R3HDML: variants seen among roughly 807,000 people sequenced by gnomAD.
R3HDML encodes peptidase inhibitor R3HDML.
R3HDML carries 21 observed loss-of-function variants against 24.2 expected under a neutral mutation model. The ratio of observed to expected loss-of-function variants is 0.87; its 90% confidence interval spans 0.62 to 1.25. The LOEUF (loss-of-function observed/expected upper bound fraction) is 1.25. R3HDML is among the 50% of genes most tolerant of loss of function. R3HDML has a pLI of 0.00. For missense variants in R3HDML, 301 were observed against 340.3 expected (o/e 0.88, Z 0.91); for synonymous variants, 133 against 131.5 (o/e 1.01, Z -0.08).
chr20:44,340,443 T>C (rs904542602), intron 1 of R3HDML, among the ~76,000 whole-genome samples: 4 of 152,220 alleles, frequency 2.6e-5, no homozygotes, highest in African/African-American at 9.6e-5. Flanking sequence ...AAAAAAGCTT[T>C]TGACTTAACC....
intron 1 of R3HDML, among the ~76,000 whole-genome samples, chr20:44,340,075 C>T (rs1000672316): frequency 6.6e-6 from 1 of 152,152 alleles, no homozygotes. Context: ...CTGCCTCAGC[C>T]TCCCGAATAG....
In R3HDML at chr20:44,337,935, C is replaced by T. The variant is rs2062762120; in HGVS notation, c.261+517C>T. On this transcript the variant is annotated intron_variant, in intron 1 of 4. Coordinates refer to ENST00000217043, the MANE Select transcript of R3HDML (RefSeq NM_178491.4). This position sits in a 1 kb window ranked among gnomAD's most constrained non-coding sequence, Gnocchi z 4.7. Reference sequence around the variant, plus strand: ...TGACTGACACACCCACAGCATCCTCCACAAGCCCCTGGAGGCAGGCTTGGA... The same window carrying T: ...TGACTGACACACCCACAGCATCCTCTACAAGCCCCTGGAGGCAGGCTTGGA... Among the ~76,000 whole-genome samples the T allele has an allele frequency of 6.6e-6, 1 of 152,206 alleles. No homozygotes were observed.
intron 2 of R3HDML, among the ~76,000 whole-genome samples, chr20:44,342,148 T>C (rs1424909724): frequency 6.6e-6 from 1 of 152,154 alleles, no homozygotes; most frequent in African/African-American, 2.4e-5. Flanking sequence ...GCCTATAAAA[T>C]TGCAAAAAGA....
chr20:44,343,578 G>A (rs2062778065), intron 3 of R3HDML, 69 bp downstream of exon 3: 1 of 1,450,058 alleles, frequency 6.9e-7, no homozygotes, highest in Admixed American at 2.6e-5. Flanking sequence ...AAAGGAATGT[G>A]TGGAGCAGAA....
rs549297405 is a variant in R3HDML, at chr20:44,337,476, G to C, written c.261+58G>C. 1.3e-6 allele frequency: 2 copies of C among 1,555,164 alleles called. No individual in the cohort carries two copies. The highest frequency in any genetic ancestry group is 1.7e-5 in the Admixed American group (1 of 58,098). On this transcript the variant is annotated intron_variant, in intron 1 of 4. Transcript: ENST00000217043. The surrounding 1 kb of genome is among the most constrained non-coding windows in gnomAD (Gnocchi z 4.7). The stretch of plus-strand genomic sequence containing the variant: ...AGTGTCCCTTCCGGCAAACGCAGCC[G>C]GACTCATCTTGGCCTAGAATGACTG...
Position 44,345,056 on chromosome 20 carries a change from T to G in R3HDML, c.514-207T>G, listed in dbSNP as rs1024108310. ...TTGTACACCTGTAACAATATAAAAA[T>G]TATTCCTTACTGTTGGTTGTAATAA... is the stretch of plus-strand genomic sequence containing the variant. On this transcript the variant is annotated intron_variant, in intron 3 of 4. Coordinates refer to ENST00000217043, the MANE Select transcript of R3HDML (RefSeq NM_178491.4). 8.6e-6 allele frequency: 5 copies of G among 579,280 alleles called. No homozygotes were observed. The Admixed American group carries it at 1.3e-4, about 15-fold the overall frequency. 35.9% of individuals were successfully genotyped at this position (579,280 alleles called of 1,614,324 possible).
chr20:44,337,204 G>C lies in R3HDML; in HGVS notation c.47G>C (p.Trp16Ser), dbSNP rs747617491. Residue 16 changes from tryptophan to serine, a missense_variant, in exon 1 of 5, where the codon TGG (tryptophan) becomes TCG (serine). Trp to Ser is a radical substitution (Grantham distance 177). Coordinates refer to ENST00000217043, the MANE Select transcript of R3HDML (RefSeq NM_178491.4). This position sits in a 1 kb window ranked among gnomAD's most constrained non-coding sequence, Gnocchi z 4.7. ...STVGLAGLLFWAGQAVNALIM... is the reference protein window; with the variant it reads ...STVGLAGLLFSAGQAVNALIM... ...GTGGGCCTGGCAGGCCTGCTCTTCT[G>C]GGCTGGCCAGGCAGTGAACGCCTTG... The C allele has an allele frequency of 3.7e-6, 6 of 1,613,468 alleles. No homozygotes were observed. The highest frequency in any genetic ancestry group is 5.1e-6 in the Non-Finnish European group (6 of 1,179,954).
At chr20:44,350,603 G>C in intron 4 of R3HDML, 57 bp from the exon 5 acceptor site, 1 of 1,569,034 alleles carries the variant, frequency 6.4e-7, no homozygotes, top group Non-Finnish European at 8.7e-7. Flanking sequence ...CTGGACATCT[G>C]TGTGAAGGTT....
In R3HDML at chr20:44,350,714, T is replaced by TC. The variant is rs764319631; in HGVS notation, c.690dup (p.Ser231GlnfsTer8). On this transcript the variant is annotated frameshift_variant, in exon 5 of 5. Coordinates refer to ENST00000217043, the MANE Select transcript of R3HDML (RefSeq NM_178491.4). LOFTEE classifies it low-confidence loss of function (END_TRUNC). ...AGATGGGAAAGCCGTGCTCCTCCTGTCCCCCCAGTTATCAAGGCAGCTGCA... is the reference window on the plus strand; with the variant it reads ...AGATGGGAAAGCCGTGCTCCTCCTGTCCCCCCCAGTTATCAAGGCAGCTGCA... 6.2e-7 allele frequency: 1 copy of TC among 1,613,760 alleles called. No homozygotes were observed. Among genetic ancestry groups the TC allele is most frequent in the Non-Finnish European group, 8.5e-7 (1 of 1,179,922 alleles).
intron 4 of R3HDML, 77 bp downstream of exon 4, chr20:44,345,455 C>T: frequency 1.0e-6 from 1 of 964,124 alleles, no homozygotes; most frequent in South Asian, 1.5e-5. Context: ...AGATACGCTC[C>T]ATATCCCTTC....
chr20:44,346,343 G>A (rs2045702836), intron 4 of R3HDML, among the ~76,000 whole-genome samples: 1 of 151,890 alleles, frequency 6.6e-6, no homozygotes. Context: ...TGAACTCCTA[G>A]GCTCAAGCAG....
intron 1 of R3HDML, among the ~76,000 whole-genome samples, chr20:44,338,785 C>T (rs2062764528): frequency 6.6e-6 from 1 of 152,134 alleles, no homozygotes; most frequent in South Asian, 2.1e-4. Context: ...AAGACTGAGC[C>T]AGAGAGCCGG....
intron 4 of R3HDML, among the ~76,000 whole-genome samples, chr20:44,348,510 CTTTCCTTTCT>C (rs1260460842): frequency 2.8e-5 from 3 of 107,948 alleles, no homozygotes; most frequent in African/African-American, 7.2e-5. Flanking sequence ...CTTTCCTTTC[CTTTCCTTTCT>C]TTTCTTCTGT....
intron 3 of R3HDML, 151 bp from the exon 4 acceptor site, chr20:44,345,112 A>G: frequency 1.5e-6 from 1 of 662,862 alleles, no homozygotes; most frequent in Non-Finnish European, 2.7e-6. Flanking sequence ...TCATGTTACA[A>G]TATAAATGCC....
Position 44,350,837 on chromosome 20 carries a change from C to T in R3HDML, c.*45C>T. On this transcript the variant is annotated 3_prime_UTR_variant, in exon 5 of 5. Transcript: ENST00000217043. ...GCGCCTCCAGCTGGGCCTGACCCTC[C>T]ATGTCCTGCCCTCAAAAAACTGGGT... 1 of 1,604,738 alleles carries T rather than the reference C, an allele frequency of 6.2e-7. No individual in the cohort carries two copies. The highest frequency in any genetic ancestry group is 8.5e-7 in the Non-Finnish European group (1 of 1,175,780).
At chr20:44,343,551 C>T (rs1248991703) in intron 3 of R3HDML, 42 bp downstream of exon 3, 1 of 1,528,712 alleles carries the variant, frequency 6.5e-7, no homozygotes, top group African/African-American at 1.4e-5. Flanking sequence ...GATAACACAT[C>T]CTGGCGCCTT....
In R3HDML at chr20:44,349,836, A is replaced by G. The variant is rs1023565432; in HGVS notation, c.630-824A>G. ...TGTAATTCCAGCACTTTGGGAGGCC[A>G]AGGTGGGCAGATCACTTGAGGTCAG... On this transcript the variant is annotated intron_variant, in intron 4 of 4. Coordinates refer to ENST00000217043, the MANE Select transcript of R3HDML (RefSeq NM_178491.4). 2.0e-5 allele frequency among the ~76,000 whole-genome samples: 3 copies of G among 151,528 alleles called. No individual in the cohort carries two copies. In the South Asian group the frequency reaches 6.3e-4, roughly 32 times the overall value.
chr20:44,346,471 C>T (rs1444866130), intron 4 of R3HDML, among the ~76,000 whole-genome samples: 1 of 152,164 alleles, frequency 6.6e-6, no homozygotes, highest in Non-Finnish European at 1.5e-5. Flanking sequence ...ACAGGATTGA[C>T]ACAGGTGGAA....
chr20:44,344,328 G>C (rs139284524), intron 3 of R3HDML, among the ~76,000 whole-genome samples: 15,255 of 151,306 alleles, frequency 0.1, 955 homozygotes, highest in Middle Eastern at 0.17. Flanking sequence ...TTTAGTCCCA[G>C]CTACGTGGGA....
Sources: allele counts gnomAD v4.1 joint callset (sites outside exome capture counted in the v4.1 genomes callset), GRCh38; gene constraint gnomAD v4.1.1; non-coding constraint Gnocchi (gnomAD v3.1); transcripts MANE v1.5; gene names NCBI Gene and HGNC (gene_info 2026-07-23, HGNC 2026-07-21).